The following HIBCH variants were observed in gnomAD, a reference collection of about 807,000 sequenced individuals.
HIBCH encodes 3-hydroxyisobutyryl-CoA hydrolase.
HIBCH carries 50 observed loss-of-function variants against 58.2 expected under a neutral mutation model. That is an observed-to-expected ratio of 0.86 (90% confidence interval 0.68 to 1.09). The LOEUF (loss-of-function observed/expected upper bound fraction) is 1.09, where lower values mean the gene tolerates loss of function less well. Ranked by LOEUF, HIBCH falls within the 50% of genes least tolerant of loss-of-function variation. HIBCH has a pLI of 0.00. For synonymous variants in HIBCH, 151 were observed against 146.9 expected, an observed-to-expected ratio of 1.03 and a Z score of -0.20; for missense variants, 450 against 449.7, an observed-to-expected ratio of 1.00 and a Z score of -0.01.
At chr2:190,226,973 G>A (rs1289606164) in intron 11 of HIBCH, among the ~76,000 whole-genome samples, 1 of 152,160 alleles carries the variant, frequency 6.6e-6, no homozygotes, top group African/African-American at 2.4e-5. Flanking sequence ...TGGATGGGAA[G>A]AATCAATATC....
chr2:190,209,207 C>T lies in HIBCH; in HGVS notation c.1012-294G>A, dbSNP rs935367119. Among the ~76,000 whole-genome samples, 3 of 152,198 alleles carry T rather than the reference C, an allele frequency of 2.0e-5. No homozygotes were observed. Among genetic ancestry groups the T allele is most frequent in the Non-Finnish European group, 2.9e-5 (2 of 68,040 alleles). On this transcript the variant is annotated intron_variant, in intron 12 of 13. Coordinates refer to ENST00000359678, the MANE Select transcript of HIBCH (RefSeq NM_014362.4). The surrounding 1 kb of genome is among the most constrained non-coding windows in gnomAD (Gnocchi z 5.6). ...TGCTCTTCATCCAGCCCAATTTCACCAGTCCTTTAATATGGTCACTTTCCT... is the reference window on the plus strand; with the variant it reads ...TGCTCTTCATCCAGCCCAATTTCACTAGTCCTTTAATATGGTCACTTTCCT...
chr2:190,231,193 T>C (rs1686085169), intron 11 of HIBCH, among the ~76,000 whole-genome samples: 1 of 152,174 alleles, frequency 6.6e-6, no homozygotes, highest in African/African-American at 2.4e-5. Flanking sequence ...TTCTATATTT[T>C]ACACTACGCA....
intron 6 of HIBCH, 104 bp downstream of exon 6, chr2:190,287,482 A>G: frequency 1.3e-6 from 1 of 779,818 alleles, no homozygotes; most frequent in East Asian, 2.7e-5. Flanking sequence ...TGTTTCAATG[A>G]GTTCTATTAT....
At chr2:190,282,264 G>A (rs989731856) in intron 6 of HIBCH, among the ~76,000 whole-genome samples, 1 of 152,158 alleles carries the variant, frequency 6.6e-6, no homozygotes, top group African/African-American at 2.4e-5. Context: ...AGGATACACA[G>A]ACTAGGTAAC....
chr2:190,233,131 A>G (rs1305783784), intron 11 of HIBCH, among the ~76,000 whole-genome samples: 1 of 152,122 alleles, frequency 6.6e-6, no homozygotes, highest in Admixed American at 6.6e-5. Flanking sequence ...TGAAGCCTTC[A>G]TATGTAACAT....
At chr2:190,196,536 T>C (rs560562012) in intron 1 of HIBCH, among the ~76,000 whole-genome samples, 502 of 151,434 alleles carry the variant, frequency 3.3e-3, no homozygotes, top group African/African-American at 7.2e-3. Context: ...TTTTTTTTTT[T>C]CCCTTGATTA....
chr2:190,217,697 C>T lies in HIBCH; in HGVS notation c.892-4622G>A, dbSNP rs894544138. ...GTTCACCACTTCCAGGCTGGCAACT[C>T]GGTGCTAATTAAAACCTGGAAAGAA... On this transcript the variant is annotated intron_variant, in intron 11 of 13. Coordinates refer to ENST00000359678, the MANE Select transcript of HIBCH (RefSeq NM_014362.4). The surrounding 1 kb of genome is among the most constrained non-coding windows in gnomAD (Gnocchi z 4.6). Among the ~76,000 whole-genome samples the T allele has an allele frequency of 8.5e-5, 13 of 152,112 alleles. No homozygotes were observed. The highest frequency in any genetic ancestry group is 3.9e-4 in the Admixed American group (6 of 15,276).
intron 2 of HIBCH, among the ~76,000 whole-genome samples, chr2:190,297,919 C>CA (rs1688148506): frequency 1.3e-5 from 2 of 150,798 alleles, no homozygotes; most frequent in South Asian, 2.1e-4. Context: ...CCCCACCCCC[C>CA]AACAGGCCCC....
rs371559374 is a variant in HIBCH, at chr2:190,235,640, G to GT, written c.891+9246dup. On this transcript the variant is annotated intron_variant, in intron 11 of 13. Coordinates refer to ENST00000359678, the MANE Select transcript of HIBCH (RefSeq NM_014362.4). ...TCTGCCCCCAGTCATCTTTTTGGCC[G>GT]TATTTCCTGGTATGTTACTCCTTGT... Among the ~76,000 whole-genome samples the GT allele has an allele frequency of 6.7e-3, 1,016 of 152,226 alleles. 12 individuals are homozygous for GT. The highest frequency in any genetic ancestry group is 0.022 in the African/African-American group (921 of 41,536).
intron 6 of HIBCH, among the ~76,000 whole-genome samples, chr2:190,284,378 T>C (rs1356312937): frequency 2.0e-5 from 3 of 152,036 alleles, no homozygotes; most frequent in Non-Finnish European, 2.9e-5. Context: ...CTCAGGCTTC[T>C]GTAAAAAAAA....
intron 2 of HIBCH, among the ~76,000 whole-genome samples, chr2:190,300,431 T>C (rs1027128446): frequency 6.6e-6 from 1 of 152,196 alleles, no homozygotes; most frequent in Admixed American, 6.5e-5. Flanking sequence ...CTGAGCTTTT[T>C]TTTTTTTAAT....
At chr2:190,261,475 T>C (rs1383440672) in intron 6 of HIBCH, among the ~76,000 whole-genome samples, 2 of 152,292 alleles carry the variant, frequency 1.3e-5, no homozygotes, top group East Asian at 3.9e-4. Context: ...ACCCCCATTC[T>C]TGTCTGGTCA....
At position 190,281,633 on chromosome 2, in the gene HIBCH, C is replaced by CA. The variant is rs1233443996; in HGVS notation, c.438+5952dup. 6.6e-6 allele frequency among the ~76,000 whole-genome samples: 1 copy of CA among 152,188 alleles called. No homozygotes were observed. Among genetic ancestry groups the CA allele is most frequent in the Non-Finnish European group, 1.5e-5 (1 of 68,036 alleles). ...TGCGCCACACCTTGGTTTCCTCTCC[C>CA]AAAAAGTTTTTTCACTCTTTACATG... is the stretch of plus-strand genomic sequence containing the variant. On this transcript the variant is annotated intron_variant, in intron 6 of 13. Coordinates refer to ENST00000359678, the MANE Select transcript of HIBCH (RefSeq NM_014362.4). The surrounding 1 kb of genome is among the most constrained non-coding windows in gnomAD (Gnocchi z 5.4).
intron 9 of HIBCH, among the ~76,000 whole-genome samples, chr2:190,248,231 G>A (rs2582756): frequency 0.034 from 5,212 of 152,224 alleles, 144 homozygotes; most frequent in East Asian, 0.14. Flanking sequence ...GAAGCTTTGC[G>A]TCTAATGTCA....
chr2:190,247,569 A>C (rs1686646742), intron 9 of HIBCH, among the ~76,000 whole-genome samples: 1 of 152,030 alleles, frequency 6.6e-6, no homozygotes, highest in Non-Finnish European at 1.5e-5. Context: ...ATGAATTCCT[A>C]ATGATTAGAT....
At position 190,209,676 on chromosome 2, in the gene HIBCH, C is replaced by A. The variant is rs1038860801; in HGVS notation, c.1012-763G>T. Reference sequence around the variant, plus strand: ...AATGCCGTGGAGGAAAGGACCATCCCTTTTTCAAAGACCAGTCCTCCCTTG... The same window carrying A: ...AATGCCGTGGAGGAAAGGACCATCCATTTTTCAAAGACCAGTCCTCCCTTG... On this transcript the variant is annotated intron_variant, in intron 12 of 13. Transcript: ENST00000359678. This position sits in a 1 kb window ranked among gnomAD's most constrained non-coding sequence, Gnocchi z 5.6. Among the ~76,000 whole-genome samples, 1 of 152,188 alleles carries A rather than the reference C, an allele frequency of 6.6e-6. No homozygotes were observed. The highest frequency in any genetic ancestry group is 2.1e-4 in the South Asian group (1 of 4,828).
chr2:190,233,320 T>A (rs1196165604), intron 11 of HIBCH, among the ~76,000 whole-genome samples: 1 of 152,074 alleles, frequency 6.6e-6, no homozygotes, highest in African/African-American at 2.4e-5. Context: ...TTGGCTGTGG[T>A]CCCCACCCAA....
At chr2:190,294,032 A>G (rs980857808) in intron 4 of HIBCH, among the ~76,000 whole-genome samples, 42 of 142,546 alleles carry the variant, frequency 2.9e-4, no homozygotes, top group East Asian at 1.9e-3. Flanking sequence ...GTATATATAT[A>G]TATATATATA....
downstream of HIBCH, chr2:190,203,362 TA>T (rs1309223094): frequency 6.0e-6 from 1 of 167,038 alleles, no homozygotes; most frequent in Non-Finnish European, 1.5e-5. Context: ...TTTCAAAACT[TA>T]AGTTTTATTA....
Sources: gnomAD v4.1 joint callset for allele counts (sites outside exome capture counted in the v4.1 genomes callset) on GRCh38, gnomAD v4.1.1 for gene constraint, Gnocchi (gnomAD v3.1) non-coding constraint, MANE v1.5 for transcripts, NCBI Gene and HGNC (gene_info 2026-07-23, HGNC 2026-07-21) for gene names.